CRTAC1: variants seen among roughly 807,000 people sequenced by gnomAD.
CRTAC1 encodes the protein acidic secreted protein in cartilage.
In CRTAC1, 37 loss-of-function variants were observed where a neutral mutation model predicts 67.8. The ratio of observed to expected loss-of-function variants is 0.55; its 90% CI spans 0.42 to 0.72. The LOEUF is 0.72. Ranked by LOEUF, CRTAC1 falls within the 30% of genes least tolerant of loss-of-function variation. The pLI is 0.00. For synonymous variants in CRTAC1, 348 were observed against 371.0 expected (o/e 0.94, Z 0.71); for missense variants, 780 against 931.6 (o/e 0.84, Z 2.12).
At chr10:98,015,881 G>A (rs1018850165) in intron 1 of CRTAC1, among the ~76,000 whole-genome samples, 2 of 152,168 alleles carry the variant, frequency 1.3e-5, no homozygotes, top group African/African-American at 2.4e-5. Flanking sequence ...GTTCCATACT[G>A]TAGCTCCCAG....
At chr10:97,980,811 C>T (rs771098285) in intron 2 of CRTAC1, among the ~76,000 whole-genome samples, 9 of 152,186 alleles carry the variant, frequency 5.9e-5, no homozygotes, top group Non-Finnish European at 1.2e-4. Context: ...ATTTAAGTGC[C>T]ACACACATGC....
chr10:98,005,192 C>T (rs1164444260), intron 2 of CRTAC1, among the ~76,000 whole-genome samples: 1 of 146,012 alleles, frequency 6.8e-6, no homozygotes, highest in Non-Finnish European at 1.5e-5. Context: ...GCAATCTCCC[C>T]CTCCCGAGTT....
intron 1 of CRTAC1, among the ~76,000 whole-genome samples, chr10:98,017,394 G>A (rs1843021055): frequency 6.6e-6 from 1 of 152,194 alleles, no homozygotes; most frequent in African/African-American, 2.4e-5. Flanking sequence ...CACAGGGCCA[G>A]AGCGCAGGGT....
intron 2 of CRTAC1, among the ~76,000 whole-genome samples, chr10:97,952,642 A>C (rs2051376749): frequency 1.3e-5 from 2 of 151,976 alleles, no homozygotes; most frequent in Admixed American, 1.3e-4. Flanking sequence ...CATTCCAAAC[A>C]AACCCCAGGT....
At chr10:97,880,598 G>A (rs1277380919) in intron 13 of CRTAC1, among the ~76,000 whole-genome samples, 1 of 152,110 alleles carries the variant, frequency 6.6e-6, no homozygotes, top group African/African-American at 2.4e-5. Flanking sequence ...GCTTGGTCCT[G>A]GGTCCTCTCT....
intron 2 of CRTAC1, among the ~76,000 whole-genome samples, chr10:97,947,170 A>G (rs1356485291): frequency 6.6e-6 from 1 of 152,194 alleles, no homozygotes; most frequent in East Asian, 1.9e-4. Context: ...GTAAAAAGAT[A>G]AGTCAGGCAT....
intron 1 of CRTAC1, among the ~76,000 whole-genome samples, chr10:98,028,183 C>G (rs1001298924): frequency 6.6e-6 from 1 of 152,130 alleles, no homozygotes; most frequent in African/African-American, 2.4e-5. Context: ...TGCACCTGCC[C>G]CATAGCACCC....
At chr10:97,973,095 T>A (rs901989510) in intron 2 of CRTAC1, among the ~76,000 whole-genome samples, 9 of 152,216 alleles carry the variant, frequency 5.9e-5, no homozygotes, top group Non-Finnish European at 1.2e-4. Context: ...TAATGCCAAC[T>A]AATTGTGTGT....
chr10:98,022,031 C>A (rs971769832), intron 1 of CRTAC1, among the ~76,000 whole-genome samples: 1 of 152,130 alleles, frequency 6.6e-6, no homozygotes, highest in African/African-American at 2.4e-5. Flanking sequence ...GGGTGAGACA[C>A]AATTCAGTGG....
chr10:97,959,359 T>C (rs1421742003), intron 2 of CRTAC1, among the ~76,000 whole-genome samples: 1 of 152,186 alleles, frequency 6.6e-6, no homozygotes, highest in Non-Finnish European at 1.5e-5. Flanking sequence ...AGCAACAACT[T>C]AAGCACAACT....
intron 2 of CRTAC1, among the ~76,000 whole-genome samples, chr10:97,998,438 G>T (rs1842626735): frequency 6.6e-6 from 1 of 152,064 alleles, no homozygotes; most frequent in African/African-American, 2.4e-5. Context: ...ACAAGAGATA[G>T]ATCACCTACA....
intron 5 of CRTAC1, among the ~76,000 whole-genome samples, chr10:97,914,647 C>T (rs568826892): frequency 5.7e-4 from 86 of 152,208 alleles, no homozygotes; most frequent in Middle Eastern, 3.4e-3. Flanking sequence ...GGGCCTGGAC[C>T]GCGGAGGCAG....
chr10:97,923,015 A>C (rs2050862143), intron 4 of CRTAC1, among the ~76,000 whole-genome samples: 1 of 152,116 alleles, frequency 6.6e-6, no homozygotes, highest in Admixed American at 6.5e-5. Context: ...TTCCATCCCC[A>C]CAAGTGTCCC....
intron 2 of CRTAC1, among the ~76,000 whole-genome samples, chr10:98,003,762 A>G (rs555002648): frequency 1.3e-5 from 2 of 152,268 alleles, no homozygotes; most frequent in South Asian, 4.1e-4. Context: ...ACCAACTGGC[A>G]CACTTGTTCT....
At chr10:97,888,297 C>A (rs973417092) in intron 11 of CRTAC1, among the ~76,000 whole-genome samples, 1 of 152,136 alleles carries the variant, frequency 6.6e-6, no homozygotes, top group South Asian at 2.1e-4. Context: ...AGAGATGGGT[C>A]ATTTCATTTG....
chr10:97,983,845 G>A (rs1206577080), intron 2 of CRTAC1, among the ~76,000 whole-genome samples: 7 of 152,142 alleles, frequency 4.6e-5, no homozygotes, highest in African/African-American at 1.7e-4. Context: ...GGCCTGCAGT[G>A]TCATCCAAAA....
intron 8 of CRTAC1, among the ~76,000 whole-genome samples, chr10:97,900,548 T>C (rs527582): frequency 0.024 from 1,008 of 41,588 alleles, 3 homozygotes; most frequent in African/African-American, 0.065. Context: ...CCCCATAGCC[T>C]CTTTTCCTGG....
At chr10:97,893,939 T>C (rs2050414494) in intron 11 of CRTAC1, among the ~76,000 whole-genome samples, 1 of 152,252 alleles carries the variant, frequency 6.6e-6, no homozygotes, top group Non-Finnish European at 1.5e-5. Flanking sequence ...ATCAATAGTT[T>C]ATTCTTCTCA....
At chr10:97,965,405 C>G (rs1328863082) in intron 2 of CRTAC1, among the ~76,000 whole-genome samples, 1 of 152,178 alleles carries the variant, frequency 6.6e-6, no homozygotes, top group Non-Finnish European at 1.5e-5. Flanking sequence ...GGACTGTAAA[C>G]ATCATTGGAT....
Sources: allele counts gnomAD v4.1 joint callset (sites outside exome capture counted in the v4.1 genomes callset), GRCh38; gene constraint gnomAD v4.1.1; transcripts MANE v1.5; gene names NCBI Gene and HGNC (gene_info 2026-07-23, HGNC 2026-07-21).